Variants in MAP4 observed in about 807,000 individuals in gnomAD.
MAP4 encodes the protein microtubule-associated protein 4.
In MAP4, 76 loss-of-function variants were observed where a neutral mutation model predicts 170.2. The ratio of observed to expected loss-of-function variants is 0.45; its 90% CI spans 0.37 to 0.54. The LOEUF is 0.54. Ranked by LOEUF, MAP4 falls within the 20% of genes least tolerant of loss-of-function variation. The pLI, the probability that MAP4 is intolerant of heterozygous loss-of-function variation, is 0.00. For synonymous variants in MAP4, 909 were observed against 994.5 expected, an observed-to-expected ratio of 0.91 and a Z score of 1.62; for missense variants, 2,506 against 2,748.0, an observed-to-expected ratio of 0.91 and a Z score of 1.97.
At chr3:47,996,795 C>T (rs1369899964) in intron 2 of MAP4, among the ~76,000 whole-genome samples, 1 of 149,712 alleles carries the variant, frequency 6.7e-6, no homozygotes, top group Non-Finnish European at 1.5e-5. Context: ...TGAGAGATGA[C>T]CCAGATTTTC....
In MAP4 at chr3:47,917,179, A is replaced by G. The variant is rs1293943636; in HGVS notation, c.653-5T>C. The G allele has an allele frequency of 1.9e-6, 3 of 1,608,540 alleles. No homozygotes were observed. Among genetic ancestry groups the G allele is most frequent in the Non-Finnish European group, 2.5e-6 (3 of 1,177,584 alleles). On this transcript the variant is annotated splice_region_variant and splice_polypyrimidine_tract_variant and intron_variant, in intron 6 of 20. Transcript: ENST00000683076. ...CCTTGGCTAGCTCTAAGGGAACTAA[A>G]TTGGAAATTTAGGACACATCATTGT...
At chr3:47,857,276 T>C (rs558784778) in intron 18 of MAP4, among the ~76,000 whole-genome samples, 155 bp downstream of exon 18, 1 of 152,252 alleles carries the variant, frequency 6.6e-6, no homozygotes, top group East Asian at 1.9e-4. Context: ...GAACTCCTGC[T>C]CCCTGACAGA....
At chr3:47,879,461 T>C (rs1290025579) in intron 10 of MAP4, among the ~76,000 whole-genome samples, 1 of 152,140 alleles carries the variant, frequency 6.6e-6, no homozygotes, top group Non-Finnish European at 1.5e-5. Context: ...TCATAGGAAG[T>C]TGCAAAGAAA....
chr3:47,994,012 T>C (rs1355718150), intron 2 of MAP4, among the ~76,000 whole-genome samples: 1 of 152,186 alleles, frequency 6.6e-6, no homozygotes, highest in African/African-American at 2.4e-5. Context: ...GCAACCACCT[T>C]ACAACAGTCC....
At chr3:47,854,733 G>A (rs1366708451) in intron 19 of MAP4, among the ~76,000 whole-genome samples, 1 of 61,308 alleles carries the variant, frequency 1.6e-5, no homozygotes, top group Non-Finnish European at 2.9e-5. Context: ...CCTGCAGAGG[G>A]AGGCCCCAGG....
At chr3:48,088,022 TG>T (rs1255370240) in intron 1 of MAP4, among the ~76,000 whole-genome samples, 1 of 152,190 alleles carries the variant, frequency 6.6e-6, no homozygotes, top group Admixed American at 6.5e-5. Context: ...TACCCGTTCC[TG>T]GAAGTGAGCA....
At chr3:48,078,690 G>A (rs148148331) in intron 1 of MAP4, among the ~76,000 whole-genome samples, 1 of 152,008 alleles carries the variant, frequency 6.6e-6, no homozygotes, top group Non-Finnish European at 1.5e-5. Flanking sequence ...TTCCTAAACT[G>A]AGAAATCACT....
At chr3:47,898,278 T>A (rs1014325170) in intron 10 of MAP4, among the ~76,000 whole-genome samples, 1 of 151,902 alleles carries the variant, frequency 6.6e-6, no homozygotes, top group South Asian at 2.1e-4. Context: ...CAGAGGCAGG[T>A]GGATCATGAG....
chr3:48,028,687 G>A (rs370113231), intron 1 of MAP4, among the ~76,000 whole-genome samples: 1 of 150,764 alleles, frequency 6.6e-6, no homozygotes, highest in Admixed American at 6.6e-5. Context: ...GCAGAGAACT[G>A]CTTGAACCCA....
At chr3:47,988,262 T>A (rs1253353883) in intron 2 of MAP4, among the ~76,000 whole-genome samples, 1 of 151,992 alleles carries the variant, frequency 6.6e-6, no homozygotes, top group Non-Finnish European at 1.5e-5. Context: ...ACAGGATTTT[T>A]TTTTTAATGA....
intron 3 of MAP4, among the ~76,000 whole-genome samples, chr3:47,945,643 ATTC>A (rs760126441): frequency 1.3e-5 from 2 of 151,998 alleles, no homozygotes; most frequent in African/African-American, 2.4e-5. Context: ...ACAAATTAAG[ATTC>A]TTCTTTTTGC....
chr3:47,960,073 G>A (rs924759523), intron 3 of MAP4, among the ~76,000 whole-genome samples: 7 of 151,772 alleles, frequency 4.6e-5, no homozygotes, highest in South Asian at 2.1e-4. Flanking sequence ...CATGTTGGCC[G>A]GGCTGGTCTT....
At chr3:48,080,203 G>A (rs1331672120) in intron 1 of MAP4, among the ~76,000 whole-genome samples, 2 of 152,234 alleles carry the variant, frequency 1.3e-5, no homozygotes, top group Admixed American at 6.5e-5. Flanking sequence ...ATCATTATCC[G>A]GAAAATCTTT....
chr3:47,881,495 T>TATATATATATGCA (rs1553753057), intron 10 of MAP4, among the ~76,000 whole-genome samples: 2 of 98,276 alleles, frequency 2.0e-5, no homozygotes, highest in African/African-American at 8.1e-5. Flanking sequence ...TATATATATA[T>TATATATATATGCA]ATGCATAATC....
At chr3:47,920,791 A>G (rs1012401093) in intron 5 of MAP4, among the ~76,000 whole-genome samples, 4 of 152,142 alleles carry the variant, frequency 2.6e-5, no homozygotes, top group Admixed American at 2.6e-4. Context: ...GGCTCAAGCA[A>G]TCCTGTCACC....
intron 19 of MAP4, among the ~76,000 whole-genome samples, chr3:47,853,724 CACCCTCCCAA>C (rs2048923020): frequency 6.6e-6 from 1 of 152,198 alleles, no homozygotes; most frequent in Admixed American, 6.5e-5. Flanking sequence ...GGGTACAGCC[CACCCTCCCAA>C]ACCCTCCCTG....
chr3:47,964,722 TTCTC>T (rs2100073813), intron 3 of MAP4, among the ~76,000 whole-genome samples: 1 of 152,214 alleles, frequency 6.6e-6, no homozygotes, highest in Admixed American at 6.5e-5. Flanking sequence ...ATTTGTGTAT[TTCTC>T]TCTGCAACTG....
chr3:48,054,390 AGG>A (rs2100129516), intron 1 of MAP4, among the ~76,000 whole-genome samples: 2 of 152,044 alleles, frequency 1.3e-5, no homozygotes, highest in South Asian at 4.1e-4. Context: ...TGGGAGGCCA[AGG>A]TGGGTGGATC....
At position 48,035,190 on chromosome 3, in the gene MAP4, G is replaced by GAA. The variant is rs71625848; in HGVS notation, c.-19-36313_-19-36312dup. 1.9e-3 allele frequency among the ~76,000 whole-genome samples: 160 copies of GAA among 83,948 alleles called. 1 individual carries two copies. Among genetic ancestry groups the GAA allele is most frequent in the South Asian group, 7.6e-3 (18 of 2,382 alleles). 55.1% of individuals were successfully genotyped at this position (83,948 alleles called of 152,430 possible). On this transcript the variant is annotated intron_variant, in intron 1 of 18. Coordinates refer to the MAP4 transcript ENST00000360240. The stretch of plus-strand genomic sequence containing the variant: ...AACCTACCTTGGGTCTGATTTGTAT[G>GAA]AAAAAAAAAAAAAAAAAAGGATTTC...
Sources: gnomAD v4.1 joint callset for allele counts (sites outside exome capture counted in the v4.1 genomes callset) on GRCh38, gnomAD v4.1.1 for gene constraint, MANE v1.5 for transcripts, NCBI Gene and HGNC (gene_info 2026-07-23, HGNC 2026-07-21) for gene names.